HPD: variants seen among roughly 807,000 people sequenced by gnomAD.
HPD encodes 4-hydroxyphenylpyruvic acid oxidase.
In HPD, 35 loss-of-function variants were observed where a neutral mutation model predicts 56.9. That is an observed-to-expected ratio of 0.62 (90% CI 0.47 to 0.82). HPD has a LOEUF of 0.82. Ranked by LOEUF, HPD falls within the 40% of genes least tolerant of loss-of-function variation. HPD has a pLI of 0.00. For synonymous variants in HPD, 186 were observed against 200.2 expected (o/e 0.93, Z 0.60); for missense variants, 442 against 506.8 (o/e 0.87, Z 1.23).
At chr12:121,860,771 A>G (rs1179171900), upstream of HPD, among the ~76,000 whole-genome samples, 1 of 152,184 alleles carries the variant, frequency 6.6e-6, no homozygotes. Flanking sequence ...TGGGCCTGGT[A>G]GTGAGCACCT....
chr12:121,876,054 G>A, the HPD span, among the ~76,000 whole-genome samples: 2 of 152,208 alleles, frequency 1.3e-5, no homozygotes, highest in Admixed American at 6.5e-5. Context: ...GCTCACGCCT[G>A]TAATCCAGCA....
the HPD span, among the ~76,000 whole-genome samples, chr12:121,879,159 C>G: frequency 6.6e-6 from 1 of 151,914 alleles, no homozygotes; most frequent in East Asian, 1.9e-4. Flanking sequence ...GTGGTGGGCA[C>G]CTGTAATCCC....
At position 121,843,068 on chromosome 12, in the gene HPD, T is replaced by C. The variant is rs551393488; in HGVS notation, c.954+642A>G. Among the ~76,000 whole-genome samples the C allele has an allele frequency of 3.3e-5, 5 of 152,260 alleles. No homozygotes were observed. In the South Asian group the frequency reaches 1.0e-3, roughly 32 times the overall value. The stretch of plus-strand genomic sequence containing the variant: ...GTCCTAAAATGGATTTTGATGATAG[T>C]TGCACAACATAGCAAATAGCTAGAA... On this transcript the variant is annotated intron_variant, in intron 12 of 13. Transcript: ENST00000289004.
intron 11 of HPD, among the ~76,000 whole-genome samples, chr12:121,845,541 C>T (rs1321676857): frequency 1.4e-5 from 2 of 146,688 alleles, no homozygotes; most frequent in Non-Finnish European, 3.0e-5. Flanking sequence ...GCGGAGCTTG[C>T]AGTGAGCCGA....
At chr12:121,847,819 G>A (rs1877637695) in intron 9 of HPD, among the ~76,000 whole-genome samples, 1 of 152,086 alleles carries the variant, frequency 6.6e-6, no homozygotes, top group Non-Finnish European at 1.5e-5. Context: ...TTACAGGCAT[G>A]AGCCACTGTG....
At chr12:121,870,547 G>A in the HPD span, among the ~76,000 whole-genome samples, 2 of 148,756 alleles carry the variant, frequency 1.3e-5, no homozygotes, top group Non-Finnish European at 3.0e-5. Context: ...TGATCTCATT[G>A]TCAGGGGGTT....
chr12:121,884,238 G>A, the HPD span, among the ~76,000 whole-genome samples: 53 of 146,900 alleles, frequency 3.6e-4, no homozygotes, highest in Non-Finnish European at 6.8e-4. Context: ...TGGCATGATC[G>A]CCGCTCACTG....
intron 9 of HPD, 24 bp from the exon 10 acceptor site, chr12:121,847,238 A>G (rs752358468): frequency 6.2e-7 from 1 of 1,613,330 alleles, no homozygotes; most frequent in Non-Finnish European, 8.5e-7. Flanking sequence ...GGTGGAACAC[A>G]TATGCTCTGA....
At chr12:121,883,883 C>T in the HPD span, among the ~76,000 whole-genome samples, 2 of 152,122 alleles carry the variant, frequency 1.3e-5, no homozygotes, top group Non-Finnish European at 2.9e-5. Context: ...TCTTTCTCCC[C>T]TTGTATCATT....
the HPD span, among the ~76,000 whole-genome samples, chr12:121,887,893 A>T: frequency 6.6e-6 from 1 of 152,212 alleles, no homozygotes; most frequent in African/African-American, 2.4e-5. Context: ...TACTACACAG[A>T]TGACCGCTGA....
chr12:121,856,209 A>G, intron 6 of HPD, 115 bp downstream of exon 6: 1 of 809,762 alleles, frequency 1.2e-6, no homozygotes, highest in East Asian at 2.5e-5. Flanking sequence ...TGTCACTGTG[A>G]TGTGGCATCT....
the HPD span, among the ~76,000 whole-genome samples, chr12:121,876,722 T>G: frequency 2.0e-5 from 3 of 152,124 alleles, no homozygotes; most frequent in Admixed American, 2.0e-4. Flanking sequence ...CTTTGGCCTC[T>G]GATTTGCTGA....
At chr12:121,854,488 C>T (rs1480886055) in intron 7 of HPD, among the ~76,000 whole-genome samples, 1 of 152,192 alleles carries the variant, frequency 6.6e-6, no homozygotes, top group Admixed American at 6.6e-5. Flanking sequence ...TTGCTGTCAT[C>T]CTCCCGCACT....
intron 3 of HPD, 93 bp downstream of exon 3, chr12:121,857,664 G>A (rs1187517372): frequency 8.9e-7 from 1 of 1,123,112 alleles, no homozygotes; most frequent in Non-Finnish European, 1.4e-6. Context: ...TCCCTCCCAA[G>A]GGCCAATCAC....
rs543636267 is a variant in HPD, at chr12:121,848,906, G to A, written c.596+93C>T. The A allele has an allele frequency of 1.1e-4, 101 of 959,760 alleles. 1 individual carries two copies. The highest frequency in any genetic ancestry group is 7.3e-4 in the South Asian group (57 of 78,078). The allele number at this position is 959,760 out of a possible 1,614,324, so 59.5% of individuals were successfully genotyped here. A position where few individuals can be genotyped will look rare whatever the true frequency, so the allele number is the denominator to read the frequency against. On this transcript the variant is annotated intron_variant, in intron 9 of 13. Transcript: ENST00000289004. Reference sequence around the variant, plus strand: ...CGGGTGTGAGCCACTGCACCCAGTCGTATTTTCCATGTTAGTGCAAGGACC... The same window carrying A: ...CGGGTGTGAGCCACTGCACCCAGTCATATTTTCCATGTTAGTGCAAGGACC...
intron 8 of HPD, 62 bp downstream of exon 8, chr12:121,849,625 G>A (rs1009281896): frequency 9.4e-7 from 1 of 1,067,504 alleles, no homozygotes; most frequent in East Asian, 2.4e-5. Flanking sequence ...ATGGAGGAAG[G>A]GGCATTACTT....
chr12:121,846,433 T>C (rs1275032161), intron 11 of HPD, among the ~76,000 whole-genome samples: 2 of 152,106 alleles, frequency 1.3e-5, no homozygotes, highest in African/African-American at 2.4e-5. Flanking sequence ...GCCAGGCTGG[T>C]CTCAAACTCC....
upstream of HPD, among the ~76,000 whole-genome samples, chr12:121,864,073 CAAAAAAAAAAA>C (rs748278452): frequency 1.1e-4 from 8 of 71,294 alleles, no homozygotes; most frequent in Middle Eastern, 0.01. Context: ...ACTAAAAATA[CAAAAAAAAAAA>C]AAAAAAAAAA....
chr12:121,854,874 C>T, intron 6 of HPD, 82 bp from the exon 7 acceptor site: 1 of 1,050,534 alleles, frequency 9.5e-7, no homozygotes, highest in Non-Finnish European at 1.5e-6. Context: ...CTGGTGGCCT[C>T]TGCGTGGTCC....
Sources: gnomAD v4.1 joint callset for allele counts (sites outside exome capture counted in the v4.1 genomes callset) on GRCh38, gnomAD v4.1.1 for gene constraint, MANE v1.5 for transcripts, NCBI Gene and HGNC (gene_info 2026-07-23, HGNC 2026-07-21) for gene names.